Variants in SHANK2 observed in about 807,000 individuals in gnomAD.
SHANK2 encodes SH3 and multiple ankyrin repeat domains 2.
A neutral mutation model predicts 133.7 loss-of-function variants in SHANK2; 43 were observed. The ratio of observed to expected loss-of-function variants is 0.32; its 90% CI spans 0.25 to 0.41. The LOEUF (loss-of-function observed/expected upper bound fraction) is 0.41. Ranked by LOEUF, SHANK2 falls within the 10% of genes least tolerant of loss-of-function variation. SHANK2 has a pLI of 1.00. For synonymous variants in SHANK2, 1,017 were observed against 952.8 expected (o/e 1.07, Z -1.24); for missense variants, 1,994 against 2,235.8 (o/e 0.89, Z 2.18).
intron 17 of SHANK2, among the ~76,000 whole-genome samples, chr11:70,531,658 G>A (rs1360622950): frequency 1.3e-5 from 2 of 152,180 alleles, no homozygotes; most frequent in Non-Finnish European, 2.9e-5. Context: ...GCGCCTCTGC[G>A]TCCTAGGAGT....
intron 25 of SHANK2, among the ~76,000 whole-genome samples, chr11:70,476,000 T>C (rs2058657467): frequency 1.3e-5 from 2 of 151,946 alleles, no homozygotes; most frequent in Non-Finnish European, 2.9e-5. Context: ...GGTGGGTGAA[T>C]CATTTGAGGT....
chr11:71,170,991 G>A (rs1212596574), intron 2 of SHANK2, among the ~76,000 whole-genome samples: 6 of 152,220 alleles, frequency 3.9e-5, no homozygotes, highest in East Asian at 1.9e-4. Flanking sequence ...GGGACTGGGC[G>A]TCCAAGATCA....
intron 22 of SHANK2, 50 bp from the exon 23 acceptor site, chr11:70,490,437 C>A: frequency 6.6e-7 from 1 of 1,505,680 alleles, no homozygotes; most frequent in Non-Finnish European, 9.2e-7. Context: ...CAGCCCCCAC[C>A]CACGGTCACA....
At chr11:71,066,147 G>C (rs1951057375) in intron 9 of SHANK2, among the ~76,000 whole-genome samples, 5 of 25,168 alleles carry the variant, frequency 2.0e-4, no homozygotes, top group Non-Finnish European at 2.6e-4. Context: ...GGGAAGTTGG[G>C]TGGGGGGGGT....
At chr11:70,628,639 C>A (rs564345778) in intron 17 of SHANK2, among the ~76,000 whole-genome samples, 2 of 152,318 alleles carry the variant, frequency 1.3e-5, no homozygotes, top group East Asian at 1.9e-4. Context: ...TCACTCCACA[C>A]CCAGCATCAT....
intron 14 of SHANK2, among the ~76,000 whole-genome samples, chr11:70,791,627 T>C (rs1555048017): frequency 6.6e-6 from 1 of 152,212 alleles, no homozygotes; most frequent in Non-Finnish European, 1.5e-5. Flanking sequence ...GAGCTGAGAA[T>C]AGACCCGGAT....
intron 9 of SHANK2, among the ~76,000 whole-genome samples, chr11:71,071,973 C>A (rs1466309557): frequency 2.0e-5 from 3 of 152,214 alleles, no homozygotes; most frequent in Non-Finnish European, 4.4e-5. Context: ...GCCACATCCC[C>A]TCCCAGCCCA....
At chr11:70,772,902 A>G (rs1947283592) in intron 14 of SHANK2, among the ~76,000 whole-genome samples, 1 of 152,210 alleles carries the variant, frequency 6.6e-6, no homozygotes, top group South Asian at 2.1e-4. Context: ...CTTGCAGAAG[A>G]TCCCCATGTA....
intron 17 of SHANK2, among the ~76,000 whole-genome samples, chr11:70,557,149 CTCATTCATTCATTCAT>C (rs56238037): frequency 2.0e-4 from 30 of 150,908 alleles, no homozygotes; most frequent in African/African-American, 5.6e-4. Context: ...CACTAAAAGC[CTCATTCATTCATTCAT>C]TCATTCATTC....
At chr11:71,152,200 C>T (rs2135429030) in intron 2 of SHANK2, among the ~76,000 whole-genome samples, 2 of 152,296 alleles carry the variant, frequency 1.3e-5, no homozygotes, top group South Asian at 4.1e-4. Flanking sequence ...GCAACCTCCG[C>T]CTCCCAGGTT....
intron 10 of SHANK2, chr11:70,908,074 C>A: frequency 3.6e-6 from 1 of 276,294 alleles, no homozygotes; most frequent in South Asian, 3.4e-5. Context: ...GCACTCTGCG[C>A]AACAGAGTGA....
At chr11:71,095,638 C>A (rs1307433108) in intron 6 of SHANK2, among the ~76,000 whole-genome samples, 1 of 152,206 alleles carries the variant, frequency 6.6e-6, no homozygotes, top group East Asian at 1.9e-4. Flanking sequence ...TGACCCCTCA[C>A]CCCATCCCAT....
intron 10 of SHANK2, among the ~76,000 whole-genome samples, chr11:70,942,180 C>CT (rs1249441138): frequency 2.2e-4 from 34 of 151,900 alleles, no homozygotes; most frequent in African/African-American, 8.0e-4. Context: ...GTGTGAGACT[C>CT]TGTCTCGAAA....
At chr11:71,170,834 C>T (rs1164348793) in intron 2 of SHANK2, among the ~76,000 whole-genome samples, 2 of 152,332 alleles carry the variant, frequency 1.3e-5, no homozygotes, top group African/African-American at 4.8e-5. Flanking sequence ...CATATCAAAT[C>T]ACGAGAGCTT....
chr11:70,812,341 A>G (rs2018556), intron 12 of SHANK2, among the ~76,000 whole-genome samples: 151,542 of 152,356 alleles, frequency 0.99, 75,369 homozygotes, highest in Middle Eastern at 1. Flanking sequence ...GGGCAGTGAC[A>G]TACGGTTCCA....
intron 2 of SHANK2, among the ~76,000 whole-genome samples, chr11:71,151,739 A>G (rs1952801044): frequency 6.6e-6 from 1 of 152,196 alleles, no homozygotes. Context: ...CACGGCCCAC[A>G]CTGGTTCTGC....
chr11:70,567,689 A>G (rs1288374996), intron 17 of SHANK2, among the ~76,000 whole-genome samples: 1 of 152,050 alleles, frequency 6.6e-6, no homozygotes, highest in Non-Finnish European at 1.5e-5. Flanking sequence ...ACAGACGACT[A>G]CGGGAGGACC....
chr11:70,547,604 GCA>G (rs2059711439), intron 17 of SHANK2, among the ~76,000 whole-genome samples: 1 of 152,156 alleles, frequency 6.6e-6, no homozygotes, highest in African/African-American at 2.4e-5. Flanking sequence ...CCACAGCCCA[GCA>G]CAGAGCAGGT....
rs193185117 is a variant in SHANK2, at chr11:71,220,253, C to T, written c.-13+4444G>A. Among the ~76,000 whole-genome samples, 463 of 152,152 alleles carry T rather than the reference C, an allele frequency of 3.0e-3. 2 individuals are homozygous for T. Among genetic ancestry groups the T allele is most frequent in the African/African-American group, 0.011 (436 of 41,518 alleles). Reference sequence around the variant, plus strand: ...CAGTCTCAAAACAGAAACAAACAAACAAACAAACAAACAAAACAAAATACG... The same window carrying T: ...CAGTCTCAAAACAGAAACAAACAAATAAACAAACAAACAAAACAAAATACG... On this transcript the variant is annotated intron_variant, in intron 2 of 25. Transcript: ENST00000601538.
Sources: allele counts gnomAD v4.1 joint callset (sites outside exome capture counted in the v4.1 genomes callset), GRCh38; gene constraint gnomAD v4.1.1; transcripts MANE v1.5; gene names NCBI Gene and HGNC (gene_info 2026-07-23, HGNC 2026-07-21).